The following LUZP2 variants were observed in gnomAD, a reference collection of about 807,000 sequenced individuals.
LUZP2 encodes the protein leucine zipper protein 2.
LUZP2 carries 52 observed loss-of-function variants against 51.6 expected under a neutral mutation model. The ratio of observed to expected loss-of-function variants is 1.01; its 90% confidence interval spans 0.81 to 1.27. LUZP2 has a LOEUF of 1.27. LUZP2 is among the 50% of genes most tolerant of loss of function. LUZP2 has a pLI of 0.00. For synonymous variants in LUZP2, 154 were observed against 137.3 expected (o/e 1.12, Z -0.85); for missense variants, 436 against 395.4 (o/e 1.10, Z -0.87).
intron 1 of LUZP2, among the ~76,000 whole-genome samples, chr11:24,514,429 GAGA>G (rs1850402493): frequency 6.6e-6 from 1 of 152,188 alleles, no homozygotes; most frequent in Admixed American, 6.5e-5. Flanking sequence ...CAGAGCAGCT[GAGA>G]AGGAGAGCAG....
At chr11:24,603,420 G>A (rs1422895104) in intron 1 of LUZP2, among the ~76,000 whole-genome samples, 2 of 151,784 alleles carry the variant, frequency 1.3e-5, no homozygotes, top group Non-Finnish European at 3.0e-5. Flanking sequence ...AGATGTTAAT[G>A]TTCTTTTGAA....
intron 10 of LUZP2, among the ~76,000 whole-genome samples, chr11:25,075,790 T>C (rs1859282601): frequency 1.3e-5 from 2 of 152,032 alleles, no homozygotes; most frequent in South Asian, 4.1e-4. Flanking sequence ...AGCAATATAG[T>C]GTGAGAATAG....
intron 1 of LUZP2, among the ~76,000 whole-genome samples, chr11:24,583,541 G>T (rs749066195): frequency 9.9e-4 from 151 of 152,110 alleles, no homozygotes; most frequent in Non-Finnish European, 1.1e-3. Flanking sequence ...CAGACTATTT[G>T]GCACCCCATG....
intron 5 of LUZP2, among the ~76,000 whole-genome samples, chr11:24,905,005 T>A (rs1853402585): frequency 6.6e-6 from 1 of 152,010 alleles, no homozygotes; most frequent in African/African-American, 2.4e-5. Context: ...AAAAAATGAT[T>A]TAAAAAATGA....
chr11:24,581,077 C>G lies in LUZP2; in HGVS notation c.62+83772C>G, dbSNP rs1852835552. Among the ~76,000 whole-genome samples the G allele has an allele frequency of 1.3e-5, 2 of 151,528 alleles. 1 individual carries two copies. Among genetic ancestry groups the G allele is most frequent in the South Asian group, 4.2e-4 (2 of 4,812 alleles). ...AGTTTTAGTCCACCTCAGTCTTGTACAGCATAATCTAAAGTTCTAGCAAGT... is the reference window on the plus strand; with the variant it reads ...AGTTTTAGTCCACCTCAGTCTTGTAGAGCATAATCTAAAGTTCTAGCAAGT... On this transcript the variant is annotated intron_variant, in intron 1 of 11. Coordinates refer to ENST00000336930, the MANE Select transcript of LUZP2 (RefSeq NM_001009909.4).
chr11:24,598,100 C>G (rs1163755347), intron 1 of LUZP2, among the ~76,000 whole-genome samples: 1 of 100,328 alleles, frequency 1.0e-5, no homozygotes. Context: ...GACTCTGTCT[C>G]AAAAAAAAAA....
In LUZP2 at chr11:25,081,029, A is replaced by ATTTTTTTTTTTTTTTTTTTT. The variant is rs553696425; in HGVS notation, c.*2373_*2392dup. The ATTTTTTTTTTTTTTTTTTTT allele has an allele frequency of 1.3e-4, 13 of 100,710 alleles. 1 individual carries two copies. Among genetic ancestry groups the ATTTTTTTTTTTTTTTTTTTT allele is most frequent in the African/African-American group, 4.9e-4 (13 of 26,544 alleles). The allele number at this position is 100,710 out of a possible 1,614,324, so 6.2% of individuals were successfully genotyped here. On this transcript the variant is annotated 3_prime_UTR_variant, in exon 12 of 12. Transcript: ENST00000336930. ...ATCAAGTGGGCTTTGGATCCATATG[A>ATTTTTTTTTTTTTTTTTTTT]TTTTTTTTTTTTTTTTTTTTTGAGA...
intron 6 of LUZP2, among the ~76,000 whole-genome samples, chr11:24,911,730 T>G: frequency 1.3e-5 from 2 of 152,136 alleles, no homozygotes; most frequent in African/African-American, 4.8e-5. Context: ...ATTAACATAA[T>G]AAGACATAGA....
At chr11:24,637,840 CTT>C (rs1855156563) in intron 1 of LUZP2, among the ~76,000 whole-genome samples, 1 of 151,800 alleles carries the variant, frequency 6.6e-6, no homozygotes, top group Non-Finnish European at 1.5e-5. Context: ...CTAATTTTAC[CTT>C]TTGCCTTGTG....
At chr11:24,642,333 G>A (rs1281276814) in intron 1 of LUZP2, among the ~76,000 whole-genome samples, 1 of 151,418 alleles carries the variant, frequency 6.6e-6, no homozygotes, top group Non-Finnish European at 1.5e-5. Flanking sequence ...CTATATTAAG[G>A]TTAACTCTTT....
intron 1 of LUZP2, among the ~76,000 whole-genome samples, chr11:24,601,888 G>GTATA (rs34392590): frequency 1.9e-5 from 2 of 104,248 alleles, no homozygotes; most frequent in South Asian, 5.6e-4. Flanking sequence ...ATGTATATAT[G>GTATA]TATATATGTA....
intron 1 of LUZP2, among the ~76,000 whole-genome samples, chr11:24,562,026 A>G (rs1167517291): frequency 6.6e-6 from 1 of 152,100 alleles, no homozygotes; most frequent in Non-Finnish European, 1.5e-5. Flanking sequence ...AAAGCAATGT[A>G]AGTGGGACAA....
chr11:25,010,932 C>T (rs1361112686), intron 9 of LUZP2, among the ~76,000 whole-genome samples: 2 of 152,146 alleles, frequency 1.3e-5, no homozygotes, highest in African/African-American at 2.4e-5. Flanking sequence ...AGCAAAGTCA[C>T]AAGTACTCCC....
At chr11:24,875,865 A>C (rs1489423811) in intron 5 of LUZP2, among the ~76,000 whole-genome samples, 1 of 151,878 alleles carries the variant, frequency 6.6e-6, no homozygotes, top group Non-Finnish European at 1.5e-5. Context: ...GATGGTGAGC[A>C]TTTTTTCATG....
At chr11:24,557,234 C>T (rs1023753293) in intron 1 of LUZP2, among the ~76,000 whole-genome samples, 7 of 147,194 alleles carry the variant, frequency 4.8e-5, no homozygotes, top group East Asian at 1.9e-4. Context: ...TCAGCATTAT[C>T]GTTGCTAAAA....
intron 5 of LUZP2, among the ~76,000 whole-genome samples, chr11:24,820,660 T>A (rs950148195): frequency 3.3e-5 from 5 of 152,142 alleles, no homozygotes; most frequent in African/African-American, 1.2e-4. Context: ...ATTACTTTAA[T>A]GACTCACTGG....
chr11:24,991,350 G>GTATATA (rs58800807), intron 9 of LUZP2, among the ~76,000 whole-genome samples: 10 of 142,204 alleles, frequency 7.0e-5, no homozygotes, highest in African/African-American at 2.5e-4. Flanking sequence ...GTGTGTGTGT[G>GTATATA]TATATATATA....
chr11:24,886,358 T>C (rs775768598), intron 5 of LUZP2, among the ~76,000 whole-genome samples: 1 of 152,192 alleles, frequency 6.6e-6, no homozygotes, highest in East Asian at 1.9e-4. Context: ...TTGGTCTTTT[T>C]CTCTATTATT....
At chr11:25,072,763 C>A (rs1859193019) in intron 10 of LUZP2, among the ~76,000 whole-genome samples, 2 of 150,018 alleles carry the variant, frequency 1.3e-5, no homozygotes, top group Admixed American at 6.6e-5. Context: ...TGGTTTAATT[C>A]TATATTCAGT....
Sources: allele counts gnomAD v4.1 joint callset (sites outside exome capture counted in the v4.1 genomes callset), GRCh38; gene constraint gnomAD v4.1.1; transcripts MANE v1.5; gene names NCBI Gene and HGNC (gene_info 2026-07-23, HGNC 2026-07-21).